Variants in SDK1 observed in about 807,000 individuals in gnomAD.
SDK1 encodes protein sidekick-1.
In SDK1, 157 loss-of-function variants were observed where a neutral mutation model predicts 245.5. That is an observed-to-expected ratio of 0.64 (90% CI 0.56 to 0.73). The LOEUF is 0.73. SDK1 is among the 30% of genes least tolerant of loss of function. The pLI, the probability that SDK1 is intolerant of heterozygous loss-of-function variation, is 0.00. For synonymous variants in SDK1, 1,647 were observed against 1,278.5 expected, an observed-to-expected ratio of 1.29 and a Z score of -6.15; for missense variants, 3,583 against 3,002.3, an observed-to-expected ratio of 1.19 and a Z score of -4.52.
At chr7:3,547,391 TGTATCTGG>T (rs1227121259) in intron 1 of SDK1, among the ~76,000 whole-genome samples, 1 of 152,218 alleles carries the variant, frequency 6.6e-6, no homozygotes, top group Non-Finnish European at 1.5e-5. Flanking sequence ...GGGCAAAGAC[TGTATCTGG>T]GTGATAGATT....
At chr7:4,019,466 G>A (rs1786692366) in intron 17 of SDK1, among the ~76,000 whole-genome samples, 1 of 152,188 alleles carries the variant, frequency 6.6e-6, no homozygotes, top group Admixed American at 6.5e-5. Flanking sequence ...TGGCACAGTG[G>A]GTGGGGTCCC....
At chr7:3,825,544 T>C (rs746000446) in intron 5 of SDK1, among the ~76,000 whole-genome samples, 27 of 152,230 alleles carry the variant, frequency 1.8e-4, no homozygotes, top group Non-Finnish European at 3.1e-4. Flanking sequence ...TTCATTTTAA[T>C]GTCTCCTCTT....
At chr7:3,568,802 G>C (rs1780008232) in intron 1 of SDK1, among the ~76,000 whole-genome samples, 1 of 152,128 alleles carries the variant, frequency 6.6e-6, no homozygotes. Context: ...CTGATCACCG[G>C]ATCCCTTCAG....
At chr7:3,683,113 G>A (rs1256106558) in intron 4 of SDK1, among the ~76,000 whole-genome samples, 3 of 152,204 alleles carry the variant, frequency 2.0e-5, no homozygotes, top group Non-Finnish European at 4.4e-5. Context: ...TTTACGCTGA[G>A]TGGATTGATT....
chr7:3,769,834 G>C (rs531398011), intron 4 of SDK1, among the ~76,000 whole-genome samples: 1 of 151,902 alleles, frequency 6.6e-6, no homozygotes, highest in East Asian at 2.0e-4. Flanking sequence ...TCCAGTCCTG[G>C]GGTCCCTAGC....
At chr7:3,458,686 C>T (rs1408856187) in intron 1 of SDK1, among the ~76,000 whole-genome samples, 3 of 152,024 alleles carry the variant, frequency 2.0e-5, no homozygotes, top group Non-Finnish European at 4.4e-5. Flanking sequence ...ATATAAATGT[C>T]TGTTTGATGC....
At chr7:3,593,951 T>C (rs1429296957) in intron 1 of SDK1, among the ~76,000 whole-genome samples, 1 of 152,248 alleles carries the variant, frequency 6.6e-6, no homozygotes, top group Non-Finnish European at 1.5e-5. Context: ...ACAACTTTAT[T>C]GATATATAAT....
intron 16 of SDK1, among the ~76,000 whole-genome samples, chr7:4,015,121 G>T (rs7810186): frequency 6.6e-6 from 1 of 152,006 alleles, no homozygotes. Context: ...TTTACATTCA[G>T]TGTCTCCTTT....
At chr7:4,060,728 C>T (rs967923149) in intron 19 of SDK1, among the ~76,000 whole-genome samples, 11 of 152,040 alleles carry the variant, frequency 7.2e-5, no homozygotes, top group East Asian at 1.9e-4. Context: ...TGCCTATGTC[C>T]GGAATGGTAA....
intron 1 of SDK1, among the ~76,000 whole-genome samples, chr7:3,406,053 T>C (rs1482324682): frequency 6.6e-6 from 1 of 152,168 alleles, no homozygotes; most frequent in Non-Finnish European, 1.5e-5. Context: ...CCTCAAGTGA[T>C]CCACCTGCCT....
chr7:3,346,827 ATTTT>A (rs1163275778), intron 1 of SDK1, among the ~76,000 whole-genome samples: 9 of 16,388 alleles, frequency 5.5e-4, no homozygotes, highest in African/African-American at 2.1e-3. Flanking sequence ...ATATATATAT[ATTTT>A]TTTTTTTTTT....
intron 4 of SDK1, among the ~76,000 whole-genome samples, chr7:3,673,868 A>G (rs895997520): frequency 1.3e-5 from 2 of 152,240 alleles, no homozygotes; most frequent in African/African-American, 4.8e-5. Context: ...TTGAACATTG[A>G]GATTATTATT....
intron 4 of SDK1, among the ~76,000 whole-genome samples, chr7:3,791,405 A>G (rs1013122714): frequency 3.3e-5 from 5 of 152,230 alleles, no homozygotes; most frequent in African/African-American, 1.2e-4. Context: ...CATATGGACC[A>G]GCTCATCATG....
At chr7:3,741,095 C>G (rs536736729) in intron 4 of SDK1, among the ~76,000 whole-genome samples, 19 of 152,160 alleles carry the variant, frequency 1.2e-4, no homozygotes, top group Admixed American at 2.0e-4. Flanking sequence ...GCTTCCTTGG[C>G]CACATCTCCT....
At chr7:3,644,797 A>AAAAAAAAAAAAC (rs1554301839) in intron 4 of SDK1, among the ~76,000 whole-genome samples, 17 of 131,640 alleles carry the variant, frequency 1.3e-4, no homozygotes, top group Non-Finnish European at 2.1e-4. Context: ...AAAAAACAAA[A>AAAAAAAAAAAAC]AACAACAACA....
intron 25 of SDK1, among the ~76,000 whole-genome samples, chr7:4,115,919 A>G (rs973859857): frequency 1.3e-5 from 2 of 152,236 alleles, no homozygotes; most frequent in African/African-American, 4.8e-5. Context: ...TAGGAAGCCA[A>G]GTGCGTGACG....
chr7:3,816,175 A>T (rs546680012), intron 4 of SDK1, among the ~76,000 whole-genome samples: 1 of 150,248 alleles, frequency 6.7e-6, no homozygotes, highest in South Asian at 2.1e-4. Flanking sequence ...CTAACATCAC[A>T]ATTAAAAGAA....
chr7:3,636,936 A>T (rs898035288), intron 2 of SDK1, among the ~76,000 whole-genome samples: 1 of 152,092 alleles, frequency 6.6e-6, no homozygotes, highest in Non-Finnish European at 1.5e-5. Flanking sequence ...ATGATTAGGG[A>T]CATTGAGCTC....
chr7:3,585,190 C>G (rs1182959127), intron 1 of SDK1, among the ~76,000 whole-genome samples: 1 of 152,202 alleles, frequency 6.6e-6, no homozygotes, highest in Non-Finnish European at 1.5e-5. Flanking sequence ...TAGACTCTGA[C>G]TGAGTGCTAG....
Sources: allele counts gnomAD v4.1 joint callset (sites outside exome capture counted in the v4.1 genomes callset), GRCh38; gene constraint gnomAD v4.1.1; transcripts MANE v1.5; gene names NCBI Gene and HGNC (gene_info 2026-07-23, HGNC 2026-07-21).